The following PDE11A variants were observed in gnomAD, a reference collection of about 807,000 sequenced individuals.
The protein encoded by PDE11A is dual 3',5'-cyclic-AMP and -GMP phosphodiesterase 11A.
In PDE11A, 100 loss-of-function variants were observed where a neutral mutation model predicts 100.5. The ratio of observed to expected loss-of-function variants is 1.00; its 90% CI spans 0.85 to 1.18. The LOEUF is 1.18. Ranked by LOEUF, PDE11A falls within the 50% of genes most tolerant of loss-of-function variation. The pLI is 0.00. For missense variants in PDE11A, 1,141 were observed against 1,152.6 expected (o/e 0.99, Z 0.15); for synonymous variants, 381 against 420.8 (o/e 0.91, Z 1.16).
rs374657859 is a variant in PDE11A, at chr2:177,697,446, G to A, written c.2245-14C>T. The A allele has an allele frequency of 8.9e-5, 113 of 1,268,890 alleles. No individual in the cohort carries two copies. In the Middle Eastern group the frequency reaches 9.1e-4, roughly 10 times the overall value. 78.6% of individuals were successfully genotyped at this position (1,268,890 alleles called of 1,614,324 possible). On this transcript the variant is annotated splice_polypyrimidine_tract_variant and intron_variant, in intron 14 of 19. Coordinates refer to ENST00000286063, the MANE Select transcript of PDE11A (RefSeq NM_016953.4). ...GATATTGTGACCCTGTAATGAGAAA[G>A]TAAAAAGTCACAAAAGACATTAAAT...
At chr2:177,812,716 A>G (rs990991455) in intron 9 of PDE11A, among the ~76,000 whole-genome samples, 3 of 152,106 alleles carry the variant, frequency 2.0e-5, no homozygotes, top group Non-Finnish European at 4.4e-5. Flanking sequence ...ACCTATGGAG[A>G]AAGAGATGCC....
chr2:177,870,577 G>T (rs2084113843), intron 5 of PDE11A, among the ~76,000 whole-genome samples: 1 of 152,170 alleles, frequency 6.6e-6, no homozygotes, highest in Non-Finnish European at 1.5e-5. Context: ...ACTACTATGT[G>T]CCAGGCATTG....
At chr2:177,752,405 G>A (rs2082037351) in intron 10 of PDE11A, among the ~76,000 whole-genome samples, 1 of 152,048 alleles carries the variant, frequency 6.6e-6, no homozygotes, top group African/African-American at 2.4e-5. Context: ...CTAATTCTGT[G>A]ACCTTCCGTG....
At chr2:178,009,179 C>T (rs1015144713) in intron 2 of PDE11A, among the ~76,000 whole-genome samples, 9 of 152,128 alleles carry the variant, frequency 5.9e-5, no homozygotes, top group African/African-American at 1.7e-4. Flanking sequence ...TCATTATTTT[C>T]TTCTTCAAAA....
At position 177,796,370 on chromosome 2, in the gene PDE11A, A is replaced by G. The variant is rs995770321; in HGVS notation, c.1737+20459T>C. 5.9e-5 allele frequency among the ~76,000 whole-genome samples: 9 copies of G among 152,038 alleles called. No homozygotes were observed. In the South Asian group the frequency reaches 8.3e-4, roughly 14 times the overall value. Reference sequence around the variant, plus strand: ...CCAGGTATCTCAAATTCCCCCAGGTACCCCAAATGCCCCAAGCCCATTGCC... The same window carrying G: ...CCAGGTATCTCAAATTCCCCCAGGTGCCCCAAATGCCCCAAGCCCATTGCC... On this transcript the variant is annotated intron_variant, in intron 9 of 19. Transcript: ENST00000286063.
At chr2:178,022,703 C>A (rs1248268030) in intron 1 of PDE11A, among the ~76,000 whole-genome samples, 2 of 152,058 alleles carry the variant, frequency 1.3e-5, no homozygotes, top group Non-Finnish European at 2.9e-5. Flanking sequence ...AGGAAACTAA[C>A]AAATGCCTCA....
chr2:177,901,334 C>T (rs1294931454), intron 3 of PDE11A, among the ~76,000 whole-genome samples: 1 of 152,162 alleles, frequency 6.6e-6, no homozygotes, highest in African/African-American at 2.4e-5. Flanking sequence ...TCAGCATTCC[C>T]TACTCACTGG....
intron 5 of PDE11A, among the ~76,000 whole-genome samples, chr2:177,864,516 T>A (rs1201583908): frequency 1.3e-5 from 2 of 151,990 alleles, no homozygotes; most frequent in Non-Finnish European, 2.9e-5. Flanking sequence ...GTAGAAAAAG[T>A]GGTAGAGGAG....
intron 10 of PDE11A, among the ~76,000 whole-genome samples, chr2:177,758,616 C>T (rs891173090): frequency 6.6e-6 from 1 of 152,212 alleles, no homozygotes; most frequent in Non-Finnish European, 1.5e-5. Context: ...GCTCAAATCT[C>T]CTGGCTGCAT....
chr2:178,002,265 G>A (rs769244789), intron 2 of PDE11A, among the ~76,000 whole-genome samples: 4 of 152,144 alleles, frequency 2.6e-5, no homozygotes, highest in Non-Finnish European at 5.9e-5. Flanking sequence ...TTTTATGGCT[G>A]CATAGTATTC....
At chr2:177,799,363 G>A (rs1015907838) in intron 9 of PDE11A, among the ~76,000 whole-genome samples, 1 of 152,166 alleles carries the variant, frequency 6.6e-6, no homozygotes, top group African/African-American at 2.4e-5. Context: ...TATAACAAAT[G>A]TACCATATCT....
intron 5 of PDE11A, among the ~76,000 whole-genome samples, chr2:177,862,294 A>C (rs116538256): frequency 9.8e-4 from 149 of 151,978 alleles, no homozygotes; most frequent in African/African-American, 3.5e-3. Flanking sequence ...GCCAATAATC[A>C]CATGAAAAGA....
At chr2:177,845,305 C>T (rs1408843436) in intron 5 of PDE11A, among the ~76,000 whole-genome samples, 1 of 150,736 alleles carries the variant, frequency 6.6e-6, no homozygotes, top group Non-Finnish European at 1.5e-5. Flanking sequence ...GGTCTCCTCA[C>T]TTCTCAGACG....
intron 4 of PDE11A, among the ~76,000 whole-genome samples, chr2:177,877,586 C>A (rs1006742068): frequency 6.6e-6 from 1 of 151,994 alleles, no homozygotes; most frequent in Non-Finnish European, 1.5e-5. Context: ...CTGTGATATG[C>A]GAATAATATT....
Position 178,071,804 on chromosome 2 carries a change from T to C in PDE11A, c.634A>G (p.Ile212Val). 3 of 1,613,712 alleles carry C rather than the reference T, an allele frequency of 1.9e-6. No individual in the cohort carries two copies. Among genetic ancestry groups the C allele is most frequent in the Non-Finnish European group, 2.5e-6 (3 of 1,179,598 alleles). Residue 212 changes from isoleucine (I) to valine (V), a missense_variant, in exon 1 of 20, where the codon ATC becomes GTC. Coordinates refer to ENST00000286063, the MANE Select transcript of PDE11A (RefSeq NM_016953.4). The part of the protein sequence containing the change: ...RQFFLELVKD[I>V]SNDLDLTSLS... ...CTGGTGAGGTCAAGGTCATTGGAGA[T>C]ATCTTTGACCAATTCCAGAAAGAAC...
chr2:177,658,015 AC>A (rs2080416180), intron 19 of PDE11A, among the ~76,000 whole-genome samples: 1 of 152,198 alleles, frequency 6.6e-6, no homozygotes, highest in Admixed American at 6.5e-5. Flanking sequence ...AGGACCACAG[AC>A]TTAAGTAGCC....
intron 2 of PDE11A, among the ~76,000 whole-genome samples, chr2:177,911,007 T>C (rs1218909133): frequency 1.3e-5 from 2 of 152,168 alleles, no homozygotes; most frequent in Non-Finnish European, 2.9e-5. Flanking sequence ...CACTGTCAGC[T>C]AAATGAACAG....
chr2:177,904,889 C>G (rs916518611), intron 3 of PDE11A, among the ~76,000 whole-genome samples: 1 of 152,140 alleles, frequency 6.6e-6, no homozygotes, highest in Non-Finnish European at 1.5e-5. Context: ...ACCCCTTCCC[C>G]CAAATAACAA....
intron 2 of PDE11A, among the ~76,000 whole-genome samples, chr2:177,913,198 G>T (rs184693126): frequency 6.6e-6 from 1 of 152,152 alleles, no homozygotes; most frequent in African/African-American, 2.4e-5. Flanking sequence ...ATCATAGAAC[G>T]TTGGACATTT....
Sources: gnomAD v4.1 joint callset for allele counts (sites outside exome capture counted in the v4.1 genomes callset) on GRCh38, gnomAD v4.1.1 for gene constraint, MANE v1.5 for transcripts, NCBI Gene and HGNC (gene_info 2026-07-23, HGNC 2026-07-21) for gene names.